The following IGFN1 variants were observed in gnomAD, a reference collection of about 807,000 sequenced individuals.
IGFN1 encodes the protein immunoglobulin like and fibronectin type III domain containing 1.
In IGFN1, 253 loss-of-function variants were observed where a neutral mutation model predicts 289.5. The observed-to-expected ratio is 0.87, with a 90% CI of 0.79 to 0.97. The LOEUF (loss-of-function observed/expected upper bound fraction) is 0.97, where lower values mean the gene tolerates loss of function less well. Ranked by LOEUF, IGFN1 falls within the 50% of genes least tolerant of loss-of-function variation. The pLI, the probability that IGFN1 is intolerant of heterozygous loss-of-function variation, is 0.00. For missense variants in IGFN1, 4,470 were observed against 4,686.1 expected (o/e 0.95, Z 1.35); for synonymous variants, 1,706 against 1,788.5 (o/e 0.95, Z 1.16).
In IGFN1 at chr1:201,216,643, C is replaced by G. The variant is rs561055921; in HGVS notation, c.9485C>G (p.Thr3162Arg). 1 of 1,613,994 alleles carries G rather than the reference C, an allele frequency of 6.2e-7. No individual in the cohort carries two copies. Among genetic ancestry groups the G allele is most frequent in the East Asian group, 2.2e-5 (1 of 44,874 alleles). The stretch of plus-strand genomic sequence containing the variant: ...GCCCCCGCTGACAGCACCACCTTCA[C>G]GGATGCCCATGTGGAGCCAGGCAGG... Reference protein sequence around the residue: ...GEAPADSTTFTDAHVEPGRKY... With the variant: ...GEAPADSTTFRDAHVEPGRKY... The change falls in exon 16 of 24, where the codon ACG becomes AGG. Residue 3162 changes from threonine to arginine, a missense_variant. Coordinates refer to ENST00000335211, the MANE Select transcript of IGFN1 (RefSeq NM_001164586.2).
At position 201,206,720 on chromosome 1, in the gene IGFN1, C is replaced by T. The variant is rs1261857280; in HGVS notation, c.1827C>T (p.Asp609=). ...TGGGACCTGGGAGAGGAAAGAGCGA[C>T]CTGCAGGGATGCCAGTCTGATCCTG... The part of the protein sequence containing the change: ...ARLGPGRGKS[D]LQGCQSDPVG... Residue 609 remains aspartate (D), a synonymous_variant, in exon 12 of 24, where the codon GAC becomes GAT. Coordinates refer to ENST00000335211, the MANE Select transcript of IGFN1 (RefSeq NM_001164586.2). 1 of 1,536,780 alleles carries T rather than the reference C, an allele frequency of 6.5e-7. No individual in the cohort carries two copies. The highest frequency in any genetic ancestry group is 1.2e-5 in the South Asian group (1 of 84,058).
chr1:201,201,754 G>A lies in IGFN1; in HGVS notation c.669G>A (p.Arg223=), dbSNP rs1260060939. ...CCATCTCCAGCTTAAGACACATCAG[G>A]GTCACCAAGGATGGGAATGCAAAGT... ...INTISSLRHI[R]VTKDGNAKFD... Residue 223 remains arginine, a synonymous_variant, in exon 9 of 24, where the codon AGG becomes AGA. Transcript: ENST00000335211. The A allele has an allele frequency of 6.5e-7, 1 of 1,549,752 alleles. No individual in the cohort carries two copies. Among genetic ancestry groups the A allele is most frequent in the Non-Finnish European group, 8.7e-7 (1 of 1,145,058 alleles).
At chr1:201,216,079 T>C in intron 15 of IGFN1, 3 of 701,362 alleles carry the variant, frequency 4.3e-6, no homozygotes, top group Non-Finnish European at 7.9e-6. Flanking sequence ...CTGACCCCAA[T>C]ACACTGGGCC....
chr1:201,217,719 C>T (rs912116375), intron 17 of IGFN1, among the ~76,000 whole-genome samples: 1 of 152,138 alleles, frequency 6.6e-6, no homozygotes, highest in Admixed American at 6.5e-5. Flanking sequence ...ACAGAGCCCA[C>T]CTCCTCCTCT....
intron 18 of IGFN1, among the ~76,000 whole-genome samples, chr1:201,219,565 G>A (rs1186878792): frequency 9.9e-5 from 15 of 152,208 alleles, no homozygotes; most frequent in South Asian, 4.1e-4. Context: ...ACTCCAAGGC[G>A]TACAGCTTAG....
rs1334302333 is a variant in IGFN1, at chr1:201,213,084, G to A, written c.8191G>A (p.Glu2731Lys). ...WGNALTPKPG[E>K]SGPQGAWNGL... ...GAATGCCCTCACCCCAAAACCTGGG[G>A]AGTCCGGACCTCAGGGAGCCTGGAA... The change falls in exon 12 of 24, where the codon GAG (glutamate) becomes AAG (lysine). Residue 2731 changes from glutamate to lysine, a missense_variant. Around this residue, in one of 8 missense-constraint regions of IGFN1, gnomAD observed 2,218 missense variants for 2,114.1 expected, o/e 1.05. Coordinates refer to ENST00000335211, the MANE Select transcript of IGFN1 (RefSeq NM_001164586.2). 11 of 1,551,536 alleles carry A rather than the reference G, an allele frequency of 7.1e-6. No individual in the cohort carries two copies. Among genetic ancestry groups the A allele is most frequent in the Admixed American group, 3.9e-5 (2 of 50,976 alleles).
chr1:201,215,064 C>G lies in IGFN1; in HGVS notation c.8905C>G (p.Leu2969Val). ...TAAGCAAGACGGTCTCGTGCACAGC[C>G]TCTTCATCACGCATGTGCAGGGGAC... is the stretch of plus-strand genomic sequence containing the variant. ...IFKQDGLVHSLFITHVQGTQA... is the reference protein window; with the variant it reads ...IFKQDGLVHSVFITHVQGTQA... Residue 2969 changes from leucine (L) to valine (V), a missense_variant, in exon 14 of 24, where the codon CTC becomes GTC. Physicochemically the swap from Leu to Val is conservative, Grantham distance 32. Coordinates refer to ENST00000335211, the MANE Select transcript of IGFN1 (RefSeq NM_001164586.2). 1 of 1,613,978 alleles carries G rather than the reference C, an allele frequency of 6.2e-7. No homozygotes were observed. The highest frequency in any genetic ancestry group is 2.2e-5 in the East Asian group (1 of 44,888).
rs998381225 is a variant in IGFN1 at position 201,208,937 on chromosome 1, T to C, written c.4044T>C (p.Asp1348=). 1 of 1,535,658 alleles carries C rather than the reference T, an allele frequency of 6.5e-7. No individual in the cohort carries two copies. Among genetic ancestry groups the C allele is most frequent in the African/African-American group, 1.4e-5 (1 of 72,560 alleles). The part of the protein sequence containing the change: ...SKADYRGGLQ[D]SREAGSGSKA... Reference sequence around the variant, plus strand: ...CAGATTATAGGGGTGGTTTACAGGATTCCAGGGAAGCGGGTTCAGGGAGCA... The same window carrying C: ...CAGATTATAGGGGTGGTTTACAGGACTCCAGGGAAGCGGGTTCAGGGAGCA... Residue 1348 remains aspartate, a synonymous_variant, in exon 12 of 24, where the codon GAT becomes GAC. Coordinates refer to ENST00000335211, the MANE Select transcript of IGFN1 (RefSeq NM_001164586.2).
rs756456276 is a variant in IGFN1 at position 201,199,617 on chromosome 1, A to G, written c.421A>G (p.Lys141Glu). Residue 141 changes from lysine to glutamate, a missense_variant, in exon 7 of 24, where the codon AAG becomes GAG. Physicochemically the swap from Lys to Glu is moderately conservative, Grantham distance 56. Coordinates refer to ENST00000335211, the MANE Select transcript of IGFN1 (RefSeq NM_001164586.2). ...TCCTGCTCCTTTTTCAGACCTCAGG[A>G]AGGAGCTGATGGACTTCCGGAAGTT... ...RHREPQEDLR[K>E]ELMDFRKLLK... is the part of the protein sequence containing the mutation. 1 of 1,551,526 alleles carries G rather than the reference A, an allele frequency of 6.4e-7. No individual in the cohort carries two copies. Among genetic ancestry groups the G allele is most frequent in the South Asian group, 1.2e-5 (1 of 84,018 alleles).
Position 201,199,386 on chromosome 1 carries a change from G to A in IGFN1, c.412+8G>A. On this transcript the variant is annotated splice_region_variant and intron_variant, in intron 6 of 23. Transcript: ENST00000335211. ...ACAGGGAACCGCAGGAAGGTAGGCA[G>A]ATTTGTCAGAAACCTCCTTGGGGGC... is the stretch of plus-strand genomic sequence containing the variant. The A allele has an allele frequency of 6.4e-7, 1 of 1,551,864 alleles. No individual in the cohort carries two copies. Among genetic ancestry groups the A allele is most frequent in the Non-Finnish European group, 8.7e-7 (1 of 1,146,936 alleles).
Position 201,217,476 on chromosome 1 carries a change from G to T in IGFN1, c.9769+16G>T, listed in dbSNP as rs746985279. 4 of 1,613,210 alleles carry T rather than the reference G, an allele frequency of 2.5e-6. No individual in the cohort carries two copies. The African/African-American group carries it at 5.3e-5, about 22-fold the overall frequency. ...CCGGTGCCTGGTGAGCATTGTCCTGGCTTCCAGAGCTTCCTTAGACCCCTC... is the reference window on the plus strand; with the variant it reads ...CCGGTGCCTGGTGAGCATTGTCCTGTCTTCCAGAGCTTCCTTAGACCCCTC... On this transcript the variant is annotated intron_variant, in intron 17 of 23. Transcript: ENST00000335211.
At chr1:201,192,576 C>T (rs1395259396) in intron 1 of IGFN1, among the ~76,000 whole-genome samples, 1 of 152,212 alleles carries the variant, frequency 6.6e-6, no homozygotes, top group African/African-American at 2.4e-5. Context: ...CTGAGGGGAG[C>T]AGATGGATTT....
Position 201,211,500 on chromosome 1 carries a change from T to C in IGFN1, c.6607T>C (p.Ser2203Pro). Residue 2203 changes from serine (S) to proline (P), a missense_variant, in exon 12 of 24, where the codon TCT (serine) becomes CCT (proline). Ser to Pro is a moderately conservative substitution (Grantham distance 74). Around this residue, in one of 8 missense-constraint regions of IGFN1, gnomAD observed 2,218 missense variants for 2,114.1 expected, o/e 1.05. Coordinates refer to ENST00000335211, the MANE Select transcript of IGFN1 (RefSeq NM_001164586.2). ...AGGTTTCAGGGATGGTTTAGGGGGT[T>C]CTGAAGAAATGGGGTCAGTGAATAA... ...KAGFRDGLGGSEEMGSVNKAG... is the reference protein window; with the variant it reads ...KAGFRDGLGGPEEMGSVNKAG... The C allele has an allele frequency of 6.7e-7, 1 of 1,501,622 alleles. No homozygotes were observed. The highest frequency in any genetic ancestry group is 1.2e-5 in the South Asian group (1 of 80,146). 93.0% of individuals were successfully genotyped at this position (1,501,622 alleles called of 1,614,324 possible). A position where few individuals can be genotyped will look rare whatever the true frequency, so the allele number is the denominator to read the frequency against.
chr1:201,216,421 C>T (rs745861659), intron 15 of IGFN1, 33 bp from the exon 16 acceptor site: 84 of 1,508,370 alleles, frequency 5.6e-5, no homozygotes, highest in Non-Finnish European at 7.2e-5. Context: ...CCTCTGACCC[C>T]TCCTCTTCCC....
Position 201,212,312 on chromosome 1 carries a change from A to G in IGFN1, c.7419A>G (p.Ser2473=), listed in dbSNP as rs1446423929. ...STKDLGGYGT[S]GIPEASEAAG... ...AAGATCTTGGGGGCTATGGAACTTC[A>G]GGGATCCCTGAGGCCTCGGAGGCTG... The change falls in exon 12 of 24, where the codon TCA becomes TCG. Residue 2473 remains serine, a synonymous_variant. Transcript: ENST00000335211. 2.6e-6 allele frequency: 4 copies of G among 1,536,450 alleles called. No individual in the cohort carries two copies. Among genetic ancestry groups the G allele is most frequent in the Non-Finnish European group, 3.5e-6 (4 of 1,146,766 alleles).
Position 201,208,764 on chromosome 1 carries a change from G to T in IGFN1, c.3871G>T (p.Asp1291Tyr), listed in dbSNP as rs1212339973. 2.0e-6 allele frequency: 3 copies of T among 1,536,866 alleles called. No individual in the cohort carries two copies. The highest frequency in any genetic ancestry group is 2.0e-5 in the Admixed American group (1 of 50,980). ...AGTGGATAAGGAAGGTTATAAGAAAGATTTGGGGGCTCCTGAGAATATGGG... is the reference window on the plus strand; with the variant it reads ...AGTGGATAAGGAAGGTTATAAGAAATATTTGGGGGCTCCTGAGAATATGGG... ...GSVDKEGYKKDLGAPENMGSG... is the reference protein window; with the variant it reads ...GSVDKEGYKKYLGAPENMGSG... The change falls in exon 12 of 24, where the codon GAT (aspartate) becomes TAT (tyrosine). Residue 1291 changes from aspartate to tyrosine, a missense_variant. Physicochemically the swap from Asp to Tyr is radical, Grantham distance 160. Coordinates refer to ENST00000335211, the MANE Select transcript of IGFN1 (RefSeq NM_001164586.2).
In IGFN1 at chr1:201,211,810, G is replaced by C. The variant is rs1361510282; in HGVS notation, c.6917G>C (p.Gly2306Ala). 2.6e-6 allele frequency: 4 copies of C among 1,536,714 alleles called. No homozygotes were observed. Among genetic ancestry groups the C allele is most frequent in the Non-Finnish European group, 3.5e-6 (4 of 1,146,696 alleles). ...TTAGGGAGCGAGGCAGGTTCTAGGG[G>C]TAGTTTGGAGGATTCTGGGTACATT... ...NPLGSEAGSR[G>A]SLEDSGYILS... Residue 2306 changes from glycine to alanine, a missense_variant, in exon 12 of 24, where the codon GGT becomes GCT. By Grantham distance (60) the Gly-to-Ala change is moderately conservative. Around this residue, in one of 8 missense-constraint regions of IGFN1, gnomAD observed 2,218 missense variants for 2,114.1 expected, o/e 1.05. Transcript: ENST00000335211.
rs183324705 is a variant in IGFN1, at chr1:201,226,192, C to A, written c.10786+69C>A. On this transcript the variant is annotated intron_variant, in intron 22 of 23. Transcript: ENST00000335211. ...CGCTCTGCAATGCAGTGGGATGCAC[C>A]CAAGCATGGCAAGCGCGCAGGATAG... 6.2e-6 allele frequency: 9 copies of A among 1,444,406 alleles called. No homozygotes were observed. In the African/African-American group the frequency reaches 7.1e-5, roughly 11 times the overall value. The allele number at this position is 1,444,406 out of a possible 1,614,324, so 89.5% of individuals were successfully genotyped here.
At position 201,228,378 on chromosome 1, in the gene IGFN1, T is replaced by C; in HGVS notation, c.11114-8T>C. The C allele has an allele frequency of 6.2e-7, 1 of 1,613,968 alleles. No homozygotes were observed. Among genetic ancestry groups the C allele is most frequent in the Non-Finnish European group, 8.5e-7 (1 of 1,179,924 alleles). On this transcript the variant is annotated splice_region_variant and splice_polypyrimidine_tract_variant and intron_variant, in intron 23 of 23. Coordinates refer to ENST00000335211, the MANE Select transcript of IGFN1 (RefSeq NM_001164586.2). ...TCTGAACCAACTGGAATATCCTGTG[T>C]CTTGCAGAACCCAGCACCTAGCCTC... is the stretch of plus-strand genomic sequence containing the variant.
Sources: allele counts gnomAD v4.1 joint callset (sites outside exome capture counted in the v4.1 genomes callset), GRCh38; gene constraint gnomAD v4.1.1; regional missense constraint gnomAD v4.1.1; transcripts MANE v1.5; gene names NCBI Gene and HGNC (gene_info 2026-07-23, HGNC 2026-07-21).